POLR2B: variants seen among roughly 807,000 people sequenced by gnomAD.
POLR2B encodes the protein RNA polymerase II subunit B, also known as DNA-directed RNA polymerase II subunit RPB2.
POLR2B carries 57 observed loss-of-function variants against 144.6 expected under a neutral mutation model. The observed-to-expected ratio is 0.39, with a 90% CI of 0.32 to 0.49. The LOEUF (loss-of-function observed/expected upper bound fraction) is 0.49. POLR2B is among the 20% of genes least tolerant of loss of function. The pLI is 0.83. For synonymous variants in POLR2B, 442 were observed against 469.8 expected, an observed-to-expected ratio of 0.94 and a Z score of 0.77; for missense variants, 595 against 1,467.4, an observed-to-expected ratio of 0.41 and a Z score of 9.71.
intron 10 of POLR2B, among the ~76,000 whole-genome samples, chr4:57,007,792 G>C (rs1046896268): frequency 6.6e-6 from 1 of 152,118 alleles, no homozygotes; most frequent in Non-Finnish European, 1.5e-5. Context: ...TTAATTTTTT[G>C]TATTTGCTTT....
intron 7 of POLR2B, among the ~76,000 whole-genome samples, chr4:57,003,605 C>A (rs542987430): frequency 6.6e-6 from 1 of 152,168 alleles, no homozygotes; most frequent in Non-Finnish European, 1.5e-5. Context: ...GTAATCCTAG[C>A]ACTTTGGAAG....
rs1274329915 is a variant in POLR2B, at chr4:57,020,960, C to G, written c.2385C>G (p.Ile795Met). ...YTGYNQEDSV[I>M]MNRSAVDRGF... The stretch of plus-strand genomic sequence containing the variant: ...GATATAATCAGGAAGACTCTGTTAT[C>G]ATGAATCGTTCAGCTGTAGACCGCG... Residue 795 changes from isoleucine (I) to methionine (M), a missense_variant, in exon 17 of 25, where the codon ATC (isoleucine) becomes ATG (methionine). By Grantham distance (10) the Ile-to-Met change is conservative (BLOSUM62 1). Around this residue, in one of 9 missense-constraint regions of POLR2B, gnomAD observed 39 missense variants for 174.3 expected, o/e 0.22. Coordinates refer to ENST00000314595, the MANE Select transcript of POLR2B (RefSeq NM_000938.3). 1.2e-6 allele frequency: 2 copies of G among 1,606,378 alleles called. No individual in the cohort carries two copies. Among genetic ancestry groups the G allele is most frequent in the Non-Finnish European group, 8.5e-7 (1 of 1,172,900 alleles).
chr4:56,992,641 GCTCC>G (rs1722556700), intron 3 of POLR2B, among the ~76,000 whole-genome samples: 1 of 148,832 alleles, frequency 6.7e-6, no homozygotes, highest in Non-Finnish European at 1.5e-5. Context: ...CTCACTGCAG[GCTCC>G]GCCTTCCGGG....
chr4:57,017,825 G>T lies in POLR2B; in HGVS notation c.2323+97G>T. ...GATTAAAAAATAAATATGACATAGT[G>T]CCTGTTCTCACGGAATTTATAATAT... On this transcript the variant is annotated intron_variant, in intron 16 of 24. Transcript: ENST00000314595. The surrounding 1 kb of genome is among the most constrained non-coding windows in gnomAD (Gnocchi z 4.8). 1 of 729,754 alleles carries T rather than the reference G, an allele frequency of 1.4e-6. No individual in the cohort carries two copies. The allele number at this position is 729,754 out of a possible 1,614,324, so 45.2% of individuals were successfully genotyped here.
rs1430422293 is a variant in POLR2B, at chr4:56,985,542, AG to A, written c.20-810del. Reference sequence around the variant, plus strand: ...CAGCCTCCTGAGTAGCTGGGATTACAGGCATGTGCCACCCTGCCTGGCTAAT... The same window carrying A: ...CAGCCTCCTGAGTAGCTGGGATTACAGCATGTGCCACCCTGCCTGGCTAAT... On this transcript the variant is annotated intron_variant, in intron 1 of 24. Coordinates refer to ENST00000314595, the MANE Select transcript of POLR2B (RefSeq NM_000938.3). 6 of 825,318 alleles carry A rather than the reference AG, an allele frequency of 7.3e-6. No homozygotes were observed. In the African/African-American group the frequency reaches 1.1e-4, roughly 15 times the overall value. The allele number at this position is 825,318 out of a possible 1,614,324, so 51.1% of individuals were successfully genotyped here. A position where few individuals can be genotyped will look rare whatever the true frequency, so the allele number is the denominator to read the frequency against.
chr4:56,988,458 G>A (rs1189978554), intron 2 of POLR2B, among the ~76,000 whole-genome samples: 1 of 152,030 alleles, frequency 6.6e-6, no homozygotes, highest in East Asian at 1.9e-4. Flanking sequence ...GAGCTCAGGA[G>A]TTTGAGACCA....
At chr4:57,002,550 T>C (rs1722887556) in intron 7 of POLR2B, 1 of 152,214 alleles carries the variant, frequency 6.6e-6, no homozygotes, top group African/African-American at 2.4e-5. Context: ...CAAAATCATT[T>C]TTTTTAAACA....
At chr4:56,985,882 T>C (rs143945660) in intron 1 of POLR2B, among the ~76,000 whole-genome samples, 29 of 152,318 alleles carry the variant, frequency 1.9e-4, no homozygotes, top group African/African-American at 6.3e-4. Context: ...TATGTGATGA[T>C]AGGAGTGTCA....
chr4:57,007,576 T>C (rs567435459), intron 10 of POLR2B, among the ~76,000 whole-genome samples: 2 of 152,302 alleles, frequency 1.3e-5, no homozygotes, highest in Non-Finnish European at 2.9e-5. Context: ...AGACAGTCCA[T>C]GTTAGTGAAA....
At chr4:56,986,959 C>T (rs1722354158) in intron 2 of POLR2B, among the ~76,000 whole-genome samples, 1 of 152,212 alleles carries the variant, frequency 6.6e-6, no homozygotes, top group Admixed American at 6.5e-5. Flanking sequence ...CCTAGGATCA[C>T]ATATTGCATT....
chr4:56,989,250 G>A (rs1427883329), intron 2 of POLR2B, among the ~76,000 whole-genome samples: 1 of 152,170 alleles, frequency 6.6e-6, no homozygotes, highest in Non-Finnish European at 1.5e-5. Context: ...TAGTTTAGAA[G>A]CTATTCATCT....
At chr4:57,025,115 T>C in intron 22 of POLR2B, 116 bp downstream of exon 22, 1 of 638,000 alleles carries the variant, frequency 1.6e-6, no homozygotes, top group South Asian at 2.0e-5. Flanking sequence ...TATAGAAATG[T>C]ACAGCTTGAT....
chr4:56,996,278 ATTTTTTTTT>A (rs869299001), intron 6 of POLR2B, among the ~76,000 whole-genome samples: 2 of 59,730 alleles, frequency 3.3e-5, no homozygotes, highest in Non-Finnish European at 6.8e-5. Flanking sequence ...ATATATATAT[ATTTTTTTTT>A]TTTTTTTTTT....
chr4:56,990,586 T>C (rs1005356750), intron 2 of POLR2B, among the ~76,000 whole-genome samples, 162 bp from the exon 3 acceptor site: 1 of 152,242 alleles, frequency 6.6e-6, no homozygotes, highest in African/African-American at 2.4e-5. Flanking sequence ...GGTTTCATCC[T>C]TTTTAAGATA....
chr4:56,996,334 G>T lies in POLR2B; in HGVS notation c.735+925G>T, dbSNP rs539671217. Among the ~76,000 whole-genome samples the T allele has an allele frequency of 2.9e-5, 4 of 136,062 alleles. No homozygotes were observed. The East Asian group carries it at 9.3e-4, about 32-fold the overall frequency. The allele number at this position is 136,062 out of a possible 152,430, so 89.3% of individuals were successfully genotyped here. A position where few individuals can be genotyped will look rare whatever the true frequency, so the allele number is the denominator to read the frequency against. On this transcript the variant is annotated intron_variant, in intron 6 of 24. Transcript: ENST00000314595. The stretch of plus-strand genomic sequence containing the variant: ...TCTTGCCCTGTCACCAGGCTGCAGT[G>T]CAGTGGCATGATCTCGGCTCAGTGC...
rs533363893 is a variant in POLR2B, at chr4:57,026,356, G to A, written c.3239+819G>A. Among the ~76,000 whole-genome samples, 9 of 152,254 alleles carry A rather than the reference G, an allele frequency of 5.9e-5. No homozygotes were observed. In the South Asian group the frequency reaches 8.3e-4, roughly 14 times the overall value. On this transcript the variant is annotated intron_variant, in intron 23 of 24. Transcript: ENST00000314595. ...CTTCCAAAGTGTTGGAATTACAGGC[G>A]TGAACCACTGCACCCAGCCCTCTTG...
At chr4:56,995,809 C>T (rs1299270672) in intron 6 of POLR2B, among the ~76,000 whole-genome samples, 1 of 152,144 alleles carries the variant, frequency 6.6e-6, no homozygotes, top group Non-Finnish European at 1.5e-5. Context: ...TGGGCCTCTG[C>T]GTATAGCAGC....
chr4:57,016,162 G>GA (rs1241532159), intron 14 of POLR2B, among the ~76,000 whole-genome samples: 2 of 152,084 alleles, frequency 1.3e-5, no homozygotes, highest in Non-Finnish European at 2.9e-5. Flanking sequence ...TCATTGCCCC[G>GA]AAAAAACTCT....
Position 57,006,925 on chromosome 4 carries a change from G to A in POLR2B, c.1327G>A (p.Gly443Ser). 3 of 1,613,390 alleles carry A rather than the reference G, an allele frequency of 1.9e-6. No individual in the cohort carries two copies. Among genetic ancestry groups the A allele is most frequent in the Non-Finnish European group, 2.5e-6 (3 of 1,179,374 alleles). Reference sequence around the variant, plus strand: ...AATTAAAACACGGATCATATCTGATGGCCTAAAATACTCTTTAGCTACTGG... The same window carrying A: ...AATTAAAACACGGATCATATCTGATAGCCTAAAATACTCTTTAGCTACTGG... ...LAIKTRIISD[G>S]LKYSLATGNW... Residue 443 changes from glycine to serine, a missense_variant, in exon 10 of 25, where the codon GGC becomes AGC. Transcript: ENST00000314595.
Sources: allele counts gnomAD v4.1 joint callset (sites outside exome capture counted in the v4.1 genomes callset), GRCh38; gene constraint gnomAD v4.1.1; regional missense constraint gnomAD v4.1.1; non-coding constraint Gnocchi (gnomAD v3.1); transcripts MANE v1.5; gene names NCBI Gene and HGNC (gene_info 2026-07-23, HGNC 2026-07-21).